Variants in MYO10 observed in about 807,000 individuals in gnomAD.
The protein encoded by MYO10 is myosin X, also known as unconventional myosin-X.
Under a neutral mutation model 257.3 loss-of-function variants are expected in MYO10, and 133 were observed. The observed-to-expected ratio is 0.52, with a 90% CI of 0.45 to 0.60. MYO10 has a LOEUF of 0.60. Among genes scored for constraint, MYO10 ranks in the 20% least tolerant of loss-of-function variants. The pLI is 0.00. For synonymous variants in MYO10, 1,104 were observed against 1,028.6 expected (o/e 1.07, Z -1.40); for missense variants, 2,399 against 2,635.7 (o/e 0.91, Z 1.97).
At chr5:16,714,084 A>C (rs1419773419) in intron 19 of MYO10, among the ~76,000 whole-genome samples, 1 of 152,214 alleles carries the variant, frequency 6.6e-6, no homozygotes, top group Non-Finnish European at 1.5e-5. Flanking sequence ...AAAAAGGTGG[A>C]AGCTGTGTTT....
At chr5:16,918,408 A>G (rs997042393) in intron 1 of MYO10, among the ~76,000 whole-genome samples, 1 of 152,120 alleles carries the variant, frequency 6.6e-6, no homozygotes, top group Non-Finnish European at 1.5e-5. Context: ...ACGAAACTCC[A>G]AAAAAATAAC....
chr5:16,861,051 C>T (rs1301208970), intron 2 of MYO10, among the ~76,000 whole-genome samples: 3 of 152,040 alleles, frequency 2.0e-5, no homozygotes, highest in East Asian at 3.9e-4. Context: ...CATACCATGG[C>T]CTGAGTCTCA....
intron 1 of MYO10, among the ~76,000 whole-genome samples, chr5:16,895,680 A>G (rs564364868): frequency 4.1e-5 from 6 of 146,238 alleles, no homozygotes; most frequent in South Asian, 4.4e-4. Flanking sequence ...CCATCCATCC[A>G]TCTCCCTCCC....
rs543390971 is a variant in MYO10 at position 16,674,653 on chromosome 5, C to T, written c.4964+200G>A. Among the ~76,000 whole-genome samples, 19 of 151,716 alleles carry T rather than the reference C, an allele frequency of 1.3e-4. No individual in the cohort carries two copies. The South Asian group carries it at 2.5e-3, about 20-fold the overall frequency. On this transcript the variant is annotated intron_variant, in intron 35 of 40. Coordinates refer to ENST00000513610, the MANE Select transcript of MYO10 (RefSeq NM_012334.3). ...GACATTACACCAACGGTGACTTGGT[C>T]CCTGAAATAACCTTGTGTGACTTAA...
chr5:16,858,620 T>C (rs1041361450), intron 2 of MYO10, among the ~76,000 whole-genome samples: 4 of 152,172 alleles, frequency 2.6e-5, no homozygotes, highest in Non-Finnish European at 5.9e-5. Flanking sequence ...CACAATCATA[T>C]GGTTTGAAAT....
At chr5:16,861,446 C>T (rs1330636186) in intron 2 of MYO10, among the ~76,000 whole-genome samples, 1 of 151,992 alleles carries the variant, frequency 6.6e-6, no homozygotes, top group Non-Finnish European at 1.5e-5. Context: ...TGGGCAGGCA[C>T]CTGTAATCCC....
intron 1 of MYO10, among the ~76,000 whole-genome samples, chr5:16,892,864 T>C (rs924071692): frequency 6.6e-6 from 1 of 151,820 alleles, no homozygotes; most frequent in African/African-American, 2.4e-5. Context: ...ACCAACAACA[T>C]TACCAGCCCA....
rs1167759986 is a variant in MYO10, at chr5:16,662,753, T to G, written c.*3939A>C. 2 of 152,106 alleles carry G rather than the reference T, an allele frequency of 1.3e-5. No homozygotes were observed. Among genetic ancestry groups the G allele is most frequent in the Non-Finnish European group, 2.9e-5 (2 of 68,022 alleles). 9.4% of individuals were successfully genotyped at this position (152,106 alleles called of 1,614,324 possible). On this transcript the variant is annotated 3_prime_UTR_variant, in exon 41 of 41. Transcript: ENST00000513610. Reference sequence around the variant, plus strand: ...GACCTGATGGGAGGTAATTGAATCATGGGGGTGGGTTTTCCCATGCTGTTC... The same window carrying G: ...GACCTGATGGGAGGTAATTGAATCAGGGGGGTGGGTTTTCCCATGCTGTTC...
intron 3 of MYO10, among the ~76,000 whole-genome samples, chr5:16,802,781 A>C (rs374869510): frequency 5.3e-5 from 8 of 152,226 alleles, no homozygotes; most frequent in African/African-American, 1.9e-4. Flanking sequence ...CACAGACTTG[A>C]GAGGAAATAA....
At chr5:16,762,299 G>A (rs904719315) in intron 15 of MYO10, among the ~76,000 whole-genome samples, 186 bp from the exon 16 acceptor site, 1 of 152,120 alleles carries the variant, frequency 6.6e-6, no homozygotes, top group Non-Finnish European at 1.5e-5. Flanking sequence ...TCTCGATTGT[G>A]TCATTATAAT....
intron 19 of MYO10, among the ~76,000 whole-genome samples, chr5:16,721,854 T>C (rs114062115): frequency 6.6e-6 from 1 of 152,296 alleles, no homozygotes; most frequent in Non-Finnish European, 1.5e-5. Context: ...AAGGGATAGC[T>C]CTGGTTGTAT....
intron 29 of MYO10, among the ~76,000 whole-genome samples, chr5:16,684,272 G>C (rs947719403): frequency 1.3e-5 from 2 of 152,182 alleles, no homozygotes; most frequent in African/African-American, 4.8e-5. Context: ...TTGAAACAGA[G>C]TTTCACTCTG....
chr5:16,722,267 T>A (rs548355795), intron 19 of MYO10, among the ~76,000 whole-genome samples: 6 of 152,234 alleles, frequency 3.9e-5, no homozygotes, highest in Non-Finnish European at 8.8e-5. Context: ...ATCTTAAGCA[T>A]GTCCATGTGA....
chr5:16,789,460 A>G (rs1741688968), intron 4 of MYO10, among the ~76,000 whole-genome samples: 1 of 152,176 alleles, frequency 6.6e-6, no homozygotes, highest in South Asian at 2.1e-4. Context: ...AGCCAAACAA[A>G]GCCCTTTTGT....
At chr5:16,715,760 T>G (rs2126587823) in intron 19 of MYO10, among the ~76,000 whole-genome samples, 1 of 152,220 alleles carries the variant, frequency 6.6e-6, no homozygotes, top group East Asian at 1.9e-4. Flanking sequence ...AAAAAAATTT[T>G]TTAAGTACAT....
chr5:16,775,177 T>C (rs1741178324), intron 9 of MYO10, among the ~76,000 whole-genome samples: 1 of 152,342 alleles, frequency 6.6e-6, no homozygotes, highest in Middle Eastern at 3.4e-3. Context: ...CCTAACACTT[T>C]AAGGGGCAAT....
chr5:16,685,754 T>A lies in MYO10; in HGVS notation c.3974A>T (p.Asn1325Ile). Residue 1325 changes from asparagine to isoleucine, a missense_variant, in exon 29 of 41, where the codon AAC becomes ATC. Transcript: ENST00000513610. ...CTCCCGTACCACAGCATTCTGTGGG[T>A]TTGCCTGCTCATCATGCATCTCCTG... The part of the protein sequence containing the change: ...EIQEMHDEQA[N>I]PQNAVGTLDV... 1 of 1,450,334 alleles carries A rather than the reference T, an allele frequency of 6.9e-7. No homozygotes were observed. The highest frequency in any genetic ancestry group is 1.9e-5 in the Admixed American group (1 of 53,064). The allele number at this position is 1,450,334 out of a possible 1,614,324, so 89.8% of individuals were successfully genotyped here. A position where few individuals can be genotyped will look rare whatever the true frequency, so the allele number is the denominator to read the frequency against.
At chr5:16,728,084 C>T (rs1292233956) in intron 19 of MYO10, among the ~76,000 whole-genome samples, 2 of 152,178 alleles carry the variant, frequency 1.3e-5, no homozygotes, top group South Asian at 2.1e-4. Flanking sequence ...TGATTGAATG[C>T]TTCCTTGAGC....
intron 5 of MYO10, 98 bp from the exon 6 acceptor site, chr5:16,781,927 A>G: frequency 7.0e-7 from 1 of 1,434,744 alleles, no homozygotes; most frequent in Non-Finnish European, 9.5e-7. Context: ...AACTGCAAGA[A>G]AAATCTGAAA....
Sources: allele counts gnomAD v4.1 joint callset (sites outside exome capture counted in the v4.1 genomes callset), GRCh38; gene constraint gnomAD v4.1.1; transcripts MANE v1.5; gene names NCBI Gene and HGNC (gene_info 2026-07-23, HGNC 2026-07-21).